Variants in TBC1D31 observed in about 807,000 individuals in gnomAD.
The protein encoded by TBC1D31 is TBC1 domain family member 31, also known as WD repeat domain 67.
TBC1D31 carries 99 observed loss-of-function variants against 132.9 expected under a neutral mutation model. That is an observed-to-expected ratio of 0.74 (90% confidence interval 0.63 to 0.88). The LOEUF (loss-of-function observed/expected upper bound fraction) is 0.88, where lower values mean the gene tolerates loss of function less well. Ranked by LOEUF, TBC1D31 falls within the 40% of genes least tolerant of loss-of-function variation. The pLI, the probability that TBC1D31 is intolerant of heterozygous loss-of-function variation, is 0.00. For synonymous variants in TBC1D31, 385 were observed against 419.4 expected, an observed-to-expected ratio of 0.92 and a Z score of 1.00; for missense variants, 1,134 against 1,256.6, an observed-to-expected ratio of 0.90 and a Z score of 1.48.
intron 20 of TBC1D31, among the ~76,000 whole-genome samples, chr8:123,146,936 C>G (rs907373662): frequency 6.6e-6 from 1 of 152,064 alleles, no homozygotes; most frequent in Non-Finnish European, 1.5e-5. Context: ...TTTGACCTCC[C>G]AAAGTGCTGG....
At position 123,151,857 on chromosome 8, in the gene TBC1D31, T is replaced by C. The variant is rs1586755424; in HGVS notation, c.3119T>C (p.Ile1040Thr). 3.1e-6 allele frequency: 5 copies of C among 1,592,060 alleles called. No individual in the cohort carries two copies. Among genetic ancestry groups the C allele is most frequent in the Non-Finnish European group, 4.3e-6 (5 of 1,173,354 alleles). ...VEWDTTGQNL[I>T]KKVRNLRQRL... Reference sequence around the variant, plus strand: ...TGGGACACCACGGGACAGAATCTTATTAAGAAAGTGAGAAATCTTCGCCAG... The same window carrying C: ...TGGGACACCACGGGACAGAATCTTACTAAGAAAGTGAGAAATCTTCGCCAG... The change falls in exon 22 of 22, where the codon ATT becomes ACT. Residue 1040 changes from isoleucine to threonine, a missense_variant. By Grantham distance (89) the Ile-to-Thr change is moderately conservative (BLOSUM62 -1). Transcript: ENST00000287380.
chr8:123,119,538 C>T (rs1309981116), intron 10 of TBC1D31, among the ~76,000 whole-genome samples: 1 of 152,082 alleles, frequency 6.6e-6, no homozygotes, highest in Non-Finnish European at 1.5e-5. Flanking sequence ...TAGTGAGACC[C>T]TGTCTCTACC....
intron 1 of TBC1D31, chr8:123,073,249 AC>A: frequency 8.5e-6 from 4 of 468,478 alleles, no homozygotes; most frequent in Non-Finnish European, 1.7e-5. Context: ...GAAGAGCAGG[AC>A]AATTCTGCCT....
chr8:123,095,889 G>A (rs527332925), intron 5 of TBC1D31, among the ~76,000 whole-genome samples: 20 of 152,282 alleles, frequency 1.3e-4, no homozygotes, highest in African/African-American at 4.8e-4. Flanking sequence ...TCAGGGGAAA[G>A]AGTTACAAAA....
At chr8:123,094,723 A>G (rs1424792669) in intron 5 of TBC1D31, among the ~76,000 whole-genome samples, 1 of 151,606 alleles carries the variant, frequency 6.6e-6, no homozygotes, top group Non-Finnish European at 1.5e-5. Context: ...TATTTTTAGT[A>G]GAGACGGGGG....
chr8:123,074,543 C>T lies in TBC1D31; in HGVS notation c.77+1697C>T, dbSNP rs567208918. Among the ~76,000 whole-genome samples, 12 of 152,308 alleles carry T rather than the reference C, an allele frequency of 7.9e-5. No individual in the cohort carries two copies. In the South Asian group the frequency reaches 2.5e-3, roughly 32 times the overall value. On this transcript the variant is annotated intron_variant, in intron 1 of 21. Transcript: ENST00000287380. ...ACTCCCACCTCTGGTATTCTCTAAACATTCTAAAAGTTATAGCCCACTCGC... is the reference window on the plus strand; with the variant it reads ...ACTCCCACCTCTGGTATTCTCTAAATATTCTAAAAGTTATAGCCCACTCGC...
chr8:123,112,970 C>G (rs575640291), intron 10 of TBC1D31, among the ~76,000 whole-genome samples: 1 of 152,086 alleles, frequency 6.6e-6, no homozygotes, highest in Admixed American at 6.5e-5. Flanking sequence ...GGTTCATATT[C>G]TAGGTTGAGA....
chr8:123,128,342 T>C lies in TBC1D31; in HGVS notation c.1946T>C (p.Leu649Pro). Residue 649 changes from leucine (L) to proline (P), a missense_variant, in exon 14 of 22, where the codon CTC becomes CCC. Transcript: ENST00000287380. ...INVVIRQVYH[L>P]METTPTDIHP... ...GTTGTGATTAGACAAGTTTATCATC[T>C]CATGGAGACCACGCCTACTGACATT... 6.2e-7 allele frequency: 1 copy of C among 1,613,826 alleles called. No individual in the cohort carries two copies.
chr8:123,134,528 CA>C (rs559019341), intron 17 of TBC1D31, among the ~76,000 whole-genome samples: 27 of 144,738 alleles, frequency 1.9e-4, no homozygotes, highest in South Asian at 1.5e-3. Flanking sequence ...ACCCTATCTC[CA>C]AAAAAAAAAG....
chr8:123,077,533 A>AT (rs33948089), intron 2 of TBC1D31, among the ~76,000 whole-genome samples: 112 of 143,452 alleles, frequency 7.8e-4, no homozygotes, highest in Middle Eastern at 3.5e-3. Context: ...ATTATTGCTA[A>AT]TTTTTTTTTT....
In TBC1D31 at chr8:123,150,123, C is replaced by T. The variant is rs145832961; in HGVS notation, c.3062C>T (p.Thr1021Ile). 2.5e-3 allele frequency: 4,057 copies of T among 1,610,562 alleles called. 134 individuals are homozygous for T. The Admixed American group carries it at 0.056, about 22-fold the overall frequency. Residue 1021 changes from threonine (T) to isoleucine (I), a missense_variant, in exon 21 of 22, where the codon ACA becomes ATA. Coordinates refer to ENST00000287380, the MANE Select transcript of TBC1D31 (RefSeq NM_145647.4). ...GACTCTTCTGAAATGGATCCCTCAA[C>T]ACAGAGTAAGTTGATAAGCAAGAAA... is the stretch of plus-strand genomic sequence containing the variant. ...LNDSSEMDPS[T>I]QISLNRRAVE...
intron 8 of TBC1D31, among the ~76,000 whole-genome samples, chr8:123,106,545 T>C (rs1817938820): frequency 6.6e-6 from 1 of 152,214 alleles, no homozygotes; most frequent in African/African-American, 2.4e-5. Flanking sequence ...AAAAACATAA[T>C]ATATTTAGGG....
At chr8:123,136,357 A>T (rs1295123134) in intron 17 of TBC1D31, among the ~76,000 whole-genome samples, 1 of 152,234 alleles carries the variant, frequency 6.6e-6, no homozygotes, top group Non-Finnish European at 1.5e-5. Flanking sequence ...GATAATTTGT[A>T]GAATGTCCCT....
chr8:123,094,958 A>G (rs1816711284), intron 5 of TBC1D31, among the ~76,000 whole-genome samples: 2 of 152,388 alleles, frequency 1.3e-5, no homozygotes, highest in East Asian at 1.9e-4. Context: ...TTGTTTGAAT[A>G]AGAAGCAAAA....
intron 11 of TBC1D31, among the ~76,000 whole-genome samples, chr8:123,120,737 A>G (rs116011605): frequency 0.014 from 2,109 of 152,186 alleles, 40 homozygotes; most frequent in African/African-American, 0.048. Context: ...TCATCTTATG[A>G]ATATATCATT....
At chr8:123,160,411 G>T in the TBC1D31 span, among the ~76,000 whole-genome samples, 2 of 150,688 alleles carry the variant, frequency 1.3e-5, no homozygotes, top group Non-Finnish European at 2.9e-5. Flanking sequence ...TAGAAGAAAA[G>T]GGAGGAGAGG....
chr8:123,144,743 C>A lies in TBC1D31; in HGVS notation c.2862C>A (p.Phe954Leu), dbSNP rs778028513. Residue 954 changes from phenylalanine to leucine, a missense_variant, in exon 20 of 22, where the codon TTC becomes TTA. By Grantham distance (22) the Phe-to-Leu change is conservative (BLOSUM62 0). Transcript: ENST00000287380. ...KKWKEAEGKE[F>L]RLRSAKKASA... ...GGAAGGAAGCTGAAGGAAAAGAGTTCCGTTTGAGATCAGCAAAGAAAGCTT... is the reference window on the plus strand; with the variant it reads ...GGAAGGAAGCTGAAGGAAAAGAGTTACGTTTGAGATCAGCAAAGAAAGCTT... 1 of 1,605,824 alleles carries A rather than the reference C, an allele frequency of 6.2e-7. No homozygotes were observed.
downstream of TBC1D31, among the ~76,000 whole-genome samples, chr8:123,156,434 C>G (rs1822990470): frequency 8.3e-6 from 1 of 120,976 alleles, no homozygotes; most frequent in Non-Finnish European, 1.8e-5. Context: ...GAGTGAGACC[C>G]TGTCTCAAAA....
chr8:123,097,163 T>C (rs543541916), intron 5 of TBC1D31, 119 bp from the exon 6 acceptor site: 1 of 1,006,324 alleles, frequency 9.9e-7, no homozygotes, highest in Admixed American at 2.4e-5. Flanking sequence ...ATGGGACTAG[T>C]GTGACCATAT....
Sources: gnomAD v4.1 joint callset for allele counts (sites outside exome capture counted in the v4.1 genomes callset) on GRCh38, gnomAD v4.1.1 for gene constraint, MANE v1.5 for transcripts, NCBI Gene and HGNC (gene_info 2026-07-23, HGNC 2026-07-21) for gene names.